Variants in PCDHGA12 observed in about 807,000 individuals in gnomAD.
PCDHGA12 encodes the protein protocadherin gamma subfamily A, 12.
A neutral mutation model predicts 61.1 loss-of-function variants in PCDHGA12; 43 were observed. The ratio of observed to expected loss-of-function variants is 0.70; its 90% CI spans 0.55 to 0.91. The LOEUF (loss-of-function observed/expected upper bound fraction) is 0.91. Among genes scored for constraint, PCDHGA12 ranks in the 40% least tolerant of loss-of-function variants. The pLI, the probability that PCDHGA12 is intolerant of heterozygous loss-of-function variation, is 0.00. For synonymous variants in PCDHGA12, 520 were observed against 542.9 expected, an observed-to-expected ratio of 0.96 and a Z score of 0.59; for missense variants, 1,236 against 1,227.7, an observed-to-expected ratio of 1.01 and a Z score of -0.10.
rs1561858566 is a variant in PCDHGA12 at position 141,432,177 on chromosome 5, C to G, written c.1418C>G (p.Ser473Cys). ...AATCCCAGAGGAGTTTCCCTCGTCTCTGTGACCGCCCACGACCCCGACTGT... is the reference window on the plus strand; with the variant it reads ...AATCCCAGAGGAGTTTCCCTCGTCTGTGTGACCGCCCACGACCCCGACTGT... ...ENNPRGVSLVSVTAHDPDCEE... is the reference protein window; with the variant it reads ...ENNPRGVSLVCVTAHDPDCEE... Residue 473 changes from serine (S) to cysteine (C), a missense_variant, in exon 1 of 4, where the codon TCT (serine) becomes TGT (cysteine). Ser to Cys is a moderately radical substitution (Grantham distance 112). Transcript: ENST00000252085. This position sits in a 1 kb window ranked among gnomAD's most constrained non-coding sequence, Gnocchi z 6.0. The G allele has an allele frequency of 6.2e-7, 1 of 1,614,220 alleles. No homozygotes were observed. Among genetic ancestry groups the G allele is most frequent in the Admixed American group, 1.7e-5 (1 of 60,032 alleles).
rs768648952 is a variant in PCDHGA12, at chr5:141,477,230, G to T, written c.2425-17577G>T. 14 of 1,614,046 alleles carry T rather than the reference G, an allele frequency of 8.7e-6. No homozygotes were observed. The highest frequency in any genetic ancestry group is 4.0e-5 in the African/African-American group (3 of 74,916). On this transcript the variant is annotated intron_variant, in intron 1 of 3. Transcript: ENST00000252085. The surrounding 1 kb of genome is among the most constrained non-coding windows in gnomAD (Gnocchi z 4.9). Reference sequence around the variant, plus strand: ...GGATGCCCCTCTGGGGACTGTCATCGCTTTGCTCAGTGTGACTGACCTGGA... The same window carrying T: ...GGATGCCCCTCTGGGGACTGTCATCTCTTTGCTCAGTGTGACTGACCTGGA...
chr5:141,477,211 C>G lies in PCDHGA12; in HGVS notation c.2425-17596C>G. 2 of 1,614,154 alleles carry G rather than the reference C, an allele frequency of 1.2e-6. No individual in the cohort carries two copies. Among genetic ancestry groups the G allele is most frequent in the Non-Finnish European group, 1.7e-6 (2 of 1,180,036 alleles). On this transcript the variant is annotated intron_variant, in intron 1 of 3. Transcript: ENST00000252085. The surrounding 1 kb of genome is among the most constrained non-coding windows in gnomAD (Gnocchi z 4.9). ...TGTACAGCCCAGTACCCGAGGATGC[C>G]CCTCTGGGGACTGTCATCGCTTTGC...
Position 141,511,040 on chromosome 5 carries a change from C to T in PCDHGA12, c.2666C>T (p.Pro889Leu), listed in dbSNP as rs770767470. The T allele has an allele frequency of 6.2e-7, 1 of 1,614,216 alleles. No individual in the cohort carries two copies. The highest frequency in any genetic ancestry group is 1.7e-5 in the Admixed American group (1 of 60,034). Reference protein sequence around the residue: ...YGPQFTLQHVPDYRQNVYIPG... With the variant: ...YGPQFTLQHVLDYRQNVYIPG... ...CCCCAGTTCACCCTGCAGCACGTGC[C>T]CGACTACCGCCAGAATGTCTACATC... Residue 889 changes from proline (P) to leucine (L), a missense_variant, in exon 4 of 4, where the codon CCC becomes CTC. Physicochemically the swap from Pro to Leu is moderately conservative, Grantham distance 98. Transcript: ENST00000252085.
chr5:141,453,869 G>A (rs887544235), intron 1 of PCDHGA12, among the ~76,000 whole-genome samples: 9 of 152,144 alleles, frequency 5.9e-5, no homozygotes, highest in Non-Finnish European at 1.2e-4. Context: ...TAACAGATGA[G>A]CAAAATAATG....
At position 141,487,063 on chromosome 5, in the gene PCDHGA12, G is replaced by A. The variant is rs754361361; in HGVS notation, c.2425-7744G>A. 39 of 1,614,086 alleles carry A rather than the reference G, an allele frequency of 2.4e-5. No individual in the cohort carries two copies. In the South Asian group the frequency reaches 3.7e-4, roughly 15 times the overall value. The stretch of plus-strand genomic sequence containing the variant: ...CTCGATATGCTGGGGAGGTGCGGAC[G>A]GCTGTTCCTATCCCAGCTGACCTCC... On this transcript the variant is annotated intron_variant, in intron 1 of 3. Transcript: ENST00000252085. The surrounding 1 kb of genome is among the most constrained non-coding windows in gnomAD (Gnocchi z 5.0).
chr5:141,430,923 A>C lies in PCDHGA12; in HGVS notation c.164A>C (p.Glu55Ala), dbSNP rs2097325574. 6.2e-7 allele frequency: 1 copy of C among 1,607,168 alleles called. No individual in the cohort carries two copies. Among genetic ancestry groups the C allele is most frequent in the African/African-American group, 1.3e-5 (1 of 74,668 alleles). ...GACATCTCCAGGGACCTGGGGCTGG[A>C]GCCCCGGGAGCTCGCGGAGCGCGGA... ...VGDISRDLGL[E>A]PRELAERGVR... The change falls in exon 1 of 4, where the codon GAG becomes GCG. Residue 55 changes from glutamate (E) to alanine (A), a missense_variant. Coordinates refer to ENST00000252085, the MANE Select transcript of PCDHGA12 (RefSeq NM_003735.3).
chr5:141,494,510 C>T (rs1462702765), intron 1 of PCDHGA12, among the ~76,000 whole-genome samples: 1 of 152,156 alleles, frequency 6.6e-6, no homozygotes, highest in Non-Finnish European at 1.5e-5. Context: ...TGAATTTTGG[C>T]TCAGGAGTTC....
At chr5:141,479,573 C>A (rs1468041584) in intron 1 of PCDHGA12, 1 of 152,230 alleles carries the variant, frequency 6.6e-6, no homozygotes, top group Admixed American at 6.5e-5. Flanking sequence ...GGGATGACAT[C>A]TGTGAATAGC....
chr5:141,433,277 T>G, intron 1 of PCDHGA12, 94 bp downstream of exon 1: 1 of 1,231,982 alleles, frequency 8.1e-7, no homozygotes. Flanking sequence ...CACTGCAGCC[T>G]CAAACTCCTA....
chr5:141,432,715 C>T lies in PCDHGA12; in HGVS notation c.1956C>T (p.Pro652=). 1 of 1,613,996 alleles carries T rather than the reference C, an allele frequency of 6.2e-7. No individual in the cohort carries two copies. The highest frequency in any genetic ancestry group is 8.5e-7 in the Non-Finnish European group (1 of 1,179,970). ...LVVAVQDHGQ[P]PLSATVTLTV... is the part of the protein sequence containing the mutation. ...TGGCCGTCCAGGACCACGGCCAGCC[C>T]CCTCTCTCCGCCACTGTCACGCTCA... The change falls in exon 1 of 4, where the codon CCC becomes CCT. Residue 652 remains proline, a synonymous_variant. Transcript: ENST00000252085. This position sits in a 1 kb window ranked among gnomAD's most constrained non-coding sequence, Gnocchi z 6.0.
chr5:141,490,736 A>G lies in PCDHGA12; in HGVS notation c.2425-4071A>G, dbSNP rs747567176. The G allele has an allele frequency of 5.0e-6, 8 of 1,614,084 alleles. No individual in the cohort carries two copies. Among genetic ancestry groups the G allele is most frequent in the Non-Finnish European group, 6.8e-6 (8 of 1,180,034 alleles). On this transcript the variant is annotated intron_variant, in intron 1 of 3. Transcript: ENST00000252085. This position sits in a 1 kb window ranked among gnomAD's most constrained non-coding sequence, Gnocchi z 5.4. The stretch of plus-strand genomic sequence containing the variant: ...TACTCCATTGTAGGAAATCAGGTTC[A>G]GGGAGCCCCAGCCTCCTCCTTTGTG...
chr5:141,510,472 G>A (rs1209464436), intron 3 of PCDHGA12, among the ~76,000 whole-genome samples: 7 of 152,102 alleles, frequency 4.6e-5, no homozygotes, highest in Non-Finnish European at 1.0e-4. Context: ...GGAGTCAGAG[G>A]CTCCCTTGAG....
At chr5:141,501,328 CA>C (rs1446948770) in intron 2 of PCDHGA12, among the ~76,000 whole-genome samples, 83 of 151,828 alleles carry the variant, frequency 5.5e-4, no homozygotes, top group Admixed American at 2.2e-3. Context: ...CACACACACA[CA>C]CACACCCCAA....
chr5:141,503,773 C>A (rs961986223), intron 2 of PCDHGA12, among the ~76,000 whole-genome samples: 1 of 152,204 alleles, frequency 6.6e-6, no homozygotes. Context: ...TGTGTCTGTT[C>A]TTAGGCTGAG....
Position 141,489,690 on chromosome 5 carries a change from A to T in PCDHGA12, c.2425-5117A>T. The T allele has an allele frequency of 6.2e-7, 1 of 1,614,198 alleles. No individual in the cohort carries two copies. The highest frequency in any genetic ancestry group is 8.5e-7 in the Non-Finnish European group (1 of 1,180,024). ...TCTCAGAATCAGCAGCATCTGGGGC[A>T]CGATTCCCACTGGACAGTGCCCAGG... On this transcript the variant is annotated intron_variant, in intron 1 of 3. Coordinates refer to ENST00000252085, the MANE Select transcript of PCDHGA12 (RefSeq NM_003735.3). The surrounding 1 kb of genome is among the most constrained non-coding windows in gnomAD (Gnocchi z 4.5).
intron 1 of PCDHGA12, among the ~76,000 whole-genome samples, chr5:141,433,465 C>T (rs1386201581): frequency 6.6e-6 from 1 of 152,060 alleles, no homozygotes; most frequent in Non-Finnish European, 1.5e-5. Context: ...GAAACTTGGG[C>T]TCAGGCTAGC....
intron 1 of PCDHGA12, chr5:141,440,087 A>C (rs1014881024): frequency 6.6e-6 from 1 of 152,316 alleles, no homozygotes; most frequent in African/African-American, 2.4e-5. Context: ...CTTCATTCTA[A>C]GTGGGGAAAG....
At chr5:141,459,137 G>C (rs1336232891) in intron 1 of PCDHGA12, among the ~76,000 whole-genome samples, 1 of 152,190 alleles carries the variant, frequency 6.6e-6, no homozygotes, top group Non-Finnish European at 1.5e-5. Context: ...TAACCACCAT[G>C]CAATCAAAAT....
intron 3 of PCDHGA12, among the ~76,000 whole-genome samples, chr5:141,509,419 T>C (rs2154594533): frequency 6.6e-6 from 1 of 152,216 alleles, no homozygotes; most frequent in South Asian, 2.1e-4. Flanking sequence ...CGAGCCCCAA[T>C]GAGTCAAACT....
Sources: gnomAD v4.1 joint callset for allele counts (sites outside exome capture counted in the v4.1 genomes callset) on GRCh38, gnomAD v4.1.1 for gene constraint, Gnocchi (gnomAD v3.1) non-coding constraint, MANE v1.5 for transcripts, NCBI Gene and HGNC (gene_info 2026-07-23, HGNC 2026-07-21) for gene names.